The following KCNH3 variants were observed in gnomAD, a reference collection of about 807,000 sequenced individuals.
KCNH3 encodes the protein voltage-gated inwardly rectifying potassium channel KCNH3.
KCNH3 carries 36 observed loss-of-function variants against 95.6 expected under a neutral mutation model. The observed-to-expected ratio is 0.38, with a 90% CI of 0.29 to 0.50. The LOEUF (loss-of-function observed/expected upper bound fraction) is 0.50. Among genes scored for constraint, KCNH3 ranks in the 20% least tolerant of loss-of-function variants. The pLI is 0.95. For missense variants in KCNH3, 1,030 were observed against 1,484.1 expected (o/e 0.69, Z 5.03); for synonymous variants, 620 against 646.3 (o/e 0.96, Z 0.62).
chr12:49,545,132 G>A (rs1344338133), intron 7 of KCNH3, among the ~76,000 whole-genome samples: 1 of 151,964 alleles, frequency 6.6e-6, no homozygotes, highest in African/African-American at 2.4e-5. Context: ...CCCTCAGCTG[G>A]CCTCCTCCCA....
intron 7 of KCNH3, among the ~76,000 whole-genome samples, chr12:49,546,957 C>T (rs1177182488): frequency 6.6e-6 from 1 of 152,232 alleles, no homozygotes; most frequent in Non-Finnish European, 1.5e-5. Flanking sequence ...TGCAACGGCG[C>T]AATCTCGGCT....
intron 5 of KCNH3, 34 bp downstream of exon 5, chr12:49,543,552 T>C (rs1937946648): frequency 6.3e-7 from 1 of 1,577,618 alleles, no homozygotes; most frequent in Non-Finnish European, 8.6e-7. Context: ...CCCCACCCTT[T>C]GCTGGCGCCC....
chr12:49,555,223 G>T (rs1043798113), intron 11 of KCNH3, among the ~76,000 whole-genome samples: 1 of 150,604 alleles, frequency 6.6e-6, no homozygotes, highest in African/African-American at 2.4e-5. Flanking sequence ...GGTGGATCAC[G>T]AGGTCAGGAG....
rs200463146 is a variant in KCNH3 at position 49,548,941 on chromosome 12, G to C, written c.1236G>C (p.Leu412=). Residue 412 remains leucine (L), a synonymous_variant, in exon 8 of 15, where the codon CTG becomes CTC. Transcript: ENST00000257981. ...LARRLETPYY[L]VGRRPAGGNS... Reference sequence around the variant, plus strand: ...GCCGACTGGAGACTCCCTACTACCTGGTGGGCCGGAGGCCAGCTGGAGGGA... The same window carrying C: ...GCCGACTGGAGACTCCCTACTACCTCGTGGGCCGGAGGCCAGCTGGAGGGA... 99 of 1,601,734 alleles carry C rather than the reference G, an allele frequency of 6.2e-5. 2 individuals carry two copies. The East Asian group carries it at 2.1e-3, about 35-fold the overall frequency.
Position 49,539,471 on chromosome 12 carries a change from G to C in KCNH3, c.55G>C (p.Ala19Pro). 6.3e-7 allele frequency: 1 copy of C among 1,587,344 alleles called. No homozygotes were observed. The highest frequency in any genetic ancestry group is 8.6e-7 in the Non-Finnish European group (1 of 1,168,932). The stretch of plus-strand genomic sequence containing the variant: ...GCAGAACACCTTCCTGGACACCATC[G>C]CTACGCGCTTCGACGGCACGCGTGA... ...APQNTFLDTI[A>P]TRFDGTHSNF... The change falls in exon 1 of 15, where the codon GCT becomes CCT. Residue 19 changes from alanine (A) to proline (P), a missense_variant. Physicochemically the swap from Ala to Pro is conservative, Grantham distance 27. Transcript: ENST00000257981. The surrounding 1 kb of genome is among the most constrained non-coding windows in gnomAD (Gnocchi z 6.7).
intron 7 of KCNH3, among the ~76,000 whole-genome samples, chr12:49,548,136 G>GCA (rs1938130011): frequency 2.0e-5 from 3 of 151,072 alleles, no homozygotes; most frequent in African/African-American, 7.3e-5. Context: ...GTGTGTGTGC[G>GCA]CGCGCACCTG....
Position 49,541,775 on chromosome 12 carries a change from G to T in KCNH3, c.445+11G>T. ...GATGGAAGGAGACAGGTAGGTGCAT[G>T]TAGGTGCTGTGGTCGGGGTATTGGG... On this transcript the variant is annotated intron_variant, in intron 3 of 14. Transcript: ENST00000257981. 6.2e-7 allele frequency: 1 copy of T among 1,613,868 alleles called. No individual in the cohort carries two copies. The highest frequency in any genetic ancestry group is 2.2e-5 in the East Asian group (1 of 44,886).
chr12:49,548,446 A>G (rs1450551402), intron 7 of KCNH3, among the ~76,000 whole-genome samples: 1 of 145,128 alleles, frequency 6.9e-6, no homozygotes, highest in Non-Finnish European at 1.5e-5. Flanking sequence ...CTGAATGGGG[A>G]GGGGAGGGAG....
At chr12:49,546,431 G>A (rs1156488994) in intron 7 of KCNH3, among the ~76,000 whole-genome samples, 1 of 152,116 alleles carries the variant, frequency 6.6e-6, no homozygotes, top group African/African-American at 2.4e-5. Context: ...CCTTGCAGGG[G>A]GAGGTGAGGC....
chr12:49,544,138 ACCTCCCTC>A (rs145700366), intron 6 of KCNH3, 29 bp from the exon 7 acceptor site: 22 of 1,529,896 alleles, frequency 1.4e-5, no homozygotes, highest in South Asian at 4.5e-5. Flanking sequence ...CGGCCCGCTG[ACCTCCCTC>A]CCTCCCTCCC....
At position 49,539,390 on chromosome 12, in the gene KCNH3, T is replaced by TG; in HGVS notation, c.-23dup. 7 of 1,508,558 alleles carry TG rather than the reference T, an allele frequency of 4.6e-6. No homozygotes were observed. The highest frequency in any genetic ancestry group is 6.2e-6 in the Non-Finnish European group (7 of 1,133,224). The allele number at this position is 1,508,558 out of a possible 1,614,324, so 93.4% of individuals were successfully genotyped here. On this transcript the variant is annotated 5_prime_UTR_variant, in exon 1 of 15. The change abolishes the stop of an existing upstream ORF in the 5' untranslated region. Coordinates refer to ENST00000257981, the MANE Select transcript of KCNH3 (RefSeq NM_012284.3). This position sits in a 1 kb window ranked among gnomAD's most constrained non-coding sequence, Gnocchi z 6.7. The stretch of plus-strand genomic sequence containing the variant: ...GCGGAGTCCCCGCACCCCGGAGGGA[T>TG]GGGGCGGGCAGCCGCGGGCGCCTAA...
intron 13 of KCNH3, 106 bp from the exon 14 acceptor site, chr12:49,557,077 A>C: frequency 9.3e-7 from 1 of 1,070,122 alleles, no homozygotes; most frequent in East Asian, 2.4e-5. Flanking sequence ...CCTAGGAGTC[A>C]GGTCCTACCA....
Position 49,541,660 on chromosome 12 carries a change from T to G in KCNH3, c.341T>G (p.Ile114Arg). The change falls in exon 3 of 15, where the codon ATA becomes AGA. Residue 114 changes from isoleucine (I) to arginine (R), a missense_variant. Physicochemically the swap from Ile to Arg is moderately conservative, Grantham distance 97. Around this residue, in one of 9 missense-constraint regions of KCNH3, gnomAD observed 63 missense variants for 107.7 expected, o/e 0.59. Coordinates refer to ENST00000257981, the MANE Select transcript of KCNH3 (RefSeq NM_012284.3). Reference protein sequence around the residue: ...GLPFWCLLDVIPIKNEKGEVA... With the variant: ...GLPFWCLLDVRPIKNEKGEVA... ...CCGTTCTGGTGTCTCCTGGATGTGA[T>G]ACCCATAAAGAATGAGAAAGGGGAG... 9 of 1,614,200 alleles carry G rather than the reference T, an allele frequency of 5.6e-6. No individual in the cohort carries two copies. The highest frequency in any genetic ancestry group is 7.6e-6 in the Non-Finnish European group (9 of 1,180,008).
In KCNH3 at chr12:49,557,737, C is replaced by T; in HGVS notation, c.3036C>T (p.Pro1012=). The change falls in exon 15 of 15, where the codon CCC becomes CCT. Residue 1012 remains proline (P), a synonymous_variant. Coordinates refer to ENST00000257981, the MANE Select transcript of KCNH3 (RefSeq NM_012284.3). Reference sequence around the variant, plus strand: ...CCTCAGGAGACCTCTGCTCTGAGCCCAGCACCCCTGCCTCCCCTCCTCCTT... The same window carrying T: ...CCTCAGGAGACCTCTGCTCTGAGCCTAGCACCCCTGCCTCCCCTCCTCCTT... The part of the protein sequence containing the change: ...PPASGDLCSE[P]STPASPPPSE... The T allele has an allele frequency of 6.2e-7, 1 of 1,613,566 alleles. No individual in the cohort carries two copies. The highest frequency in any genetic ancestry group is 1.1e-5 in the South Asian group (1 of 91,064).
At position 49,556,735 on chromosome 12, in the gene KCNH3, G is replaced by A. The variant is rs918146154; in HGVS notation, c.2575+259G>A. On this transcript the variant is annotated intron_variant, in intron 13 of 14. Transcript: ENST00000257981. ...CTAGCAGTGTGAATTTGGCTTCTCT[G>A]GCCCCAGCTTCCTGTCTGTAAAAAA... The A allele has an allele frequency of 1.0e-5, 7 of 686,084 alleles. No individual in the cohort carries two copies. In the African/African-American group the frequency reaches 1.2e-4, roughly 12 times the overall value. The allele number at this position is 686,084 out of a possible 1,614,324, so 42.5% of individuals were successfully genotyped here.
intron 12 of KCNH3, 117 bp from the exon 13 acceptor site, chr12:49,556,253 C>A: frequency 1.3e-6 from 1 of 771,904 alleles, no homozygotes; most frequent in Non-Finnish European, 2.3e-6. Context: ...TCCTGGGCTC[C>A]TGGTCAGTTC....
intron 3 of KCNH3, 142 bp downstream of exon 3, chr12:49,541,906 G>A: frequency 2.5e-6 from 2 of 801,592 alleles, no homozygotes; most frequent in South Asian, 1.8e-5. Flanking sequence ...GGCCTGTGCT[G>A]CTCTCATCTC....
intron 10 of KCNH3, among the ~76,000 whole-genome samples, chr12:49,551,857 G>A (rs967379288): frequency 6.6e-6 from 1 of 152,172 alleles, no homozygotes; most frequent in African/African-American, 2.4e-5. Context: ...AGCAGGAAAG[G>A]GCCAGGAAGG....
chr12:49,540,839 G>C (rs150257048), intron 1 of KCNH3, 60 bp from the exon 2 acceptor site: 25 of 1,371,822 alleles, frequency 1.8e-5, no homozygotes, highest in Non-Finnish European at 2.5e-5. Context: ...TGAGAAAGGA[G>C]GGGTGGTAGG....
Sources: gnomAD v4.1 joint callset for allele counts (sites outside exome capture counted in the v4.1 genomes callset) on GRCh38, gnomAD v4.1.1 for gene constraint, gnomAD v4.1.1 regional missense constraint, Gnocchi (gnomAD v3.1) non-coding constraint, MANE v1.5 for transcripts, NCBI Gene and HGNC (gene_info 2026-07-23, HGNC 2026-07-21) for gene names.